The following HPSE2 variants were observed in gnomAD, a reference collection of about 807,000 sequenced individuals.
The protein encoded by HPSE2 is inactive heparanase-2.
HPSE2 carries 38 observed loss-of-function variants against 60.5 expected under a neutral mutation model. That is an observed-to-expected ratio of 0.63 (90% CI 0.48 to 0.82). HPSE2 has a LOEUF of 0.82. HPSE2 is among the 40% of genes least tolerant of loss of function. HPSE2 has a pLI of 0.00. For missense variants in HPSE2, 713 were observed against 740.4 expected, an observed-to-expected ratio of 0.96 and a Z score of 0.43; for synonymous variants, 295 against 293.2, an observed-to-expected ratio of 1.01 and a Z score of -0.06.
chr10:99,280,524 T>C, the HPSE2 span, among the ~76,000 whole-genome samples: 1 of 152,182 alleles, frequency 6.6e-6, no homozygotes, highest in African/African-American at 2.4e-5. Context: ...ACACCTTTCA[T>C]TAGAGAAGCT....
chr10:99,276,545 G>A, the HPSE2 span, among the ~76,000 whole-genome samples: 130,234 of 152,134 alleles, frequency 0.86, 56,099 homozygotes, highest in African/African-American at 0.92. Flanking sequence ...AACCTCATAC[G>A]AATTATATTT....
intron 10 of HPSE2, among the ~76,000 whole-genome samples, chr10:98,485,702 C>T (rs1483457508): frequency 6.6e-6 from 1 of 152,232 alleles, no homozygotes; most frequent in East Asian, 1.9e-4. Context: ...GATCTCTAGG[C>T]TTCAGAGTGG....
intron 11 of HPSE2, among the ~76,000 whole-genome samples, chr10:98,465,507 T>G (rs1230954553): frequency 1.3e-5 from 2 of 152,200 alleles, no homozygotes; most frequent in African/African-American, 4.8e-5. Flanking sequence ...CATAGGCCAG[T>G]ATTACTATTA....
At chr10:99,234,650 T>C (rs1196381845) in intron 1 of HPSE2, among the ~76,000 whole-genome samples, 1 of 152,090 alleles carries the variant, frequency 6.6e-6, no homozygotes, top group Non-Finnish European at 1.5e-5. Flanking sequence ...CCAATTAGAT[T>C]ACAAGCCCTA....
chr10:98,696,394 C>T (rs1356753599), intron 5 of HPSE2, among the ~76,000 whole-genome samples: 1 of 151,106 alleles, frequency 6.6e-6, no homozygotes, highest in African/African-American at 2.4e-5. Context: ...AGGCAGCTGG[C>T]GTGACCCACA....
the HPSE2 span, among the ~76,000 whole-genome samples, chr10:99,268,079 A>C: frequency 6.6e-6 from 1 of 152,184 alleles, no homozygotes; most frequent in Non-Finnish European, 1.5e-5. Flanking sequence ...ATAAAGGAAA[A>C]TCTATCAGAG....
chr10:99,048,228 T>C (rs566132835), intron 3 of HPSE2: 110 of 583,472 alleles, frequency 1.9e-4, no homozygotes, highest in African/African-American at 1.4e-3. Context: ...ATCTATACTA[T>C]TGGAAAATGC....
At chr10:98,739,032 T>C (rs564131265) in intron 4 of HPSE2, among the ~76,000 whole-genome samples, 5 of 152,308 alleles carry the variant, frequency 3.3e-5, no homozygotes, top group East Asian at 1.9e-4. Flanking sequence ...CGTATGTTTA[T>C]TGCAGCACTA....
At chr10:98,673,309 A>T (rs912053563) in intron 6 of HPSE2, among the ~76,000 whole-genome samples, 1 of 152,168 alleles carries the variant, frequency 6.6e-6, no homozygotes, top group East Asian at 1.9e-4. Flanking sequence ...AGCTGTTACC[A>T]GTCTGTTTTC....
At chr10:98,971,442 C>T (rs1176994134) in intron 3 of HPSE2, among the ~76,000 whole-genome samples, 9 of 152,234 alleles carry the variant, frequency 5.9e-5, no homozygotes, top group South Asian at 2.1e-4. Context: ...ACATTCATAT[C>T]CCCATTCATA....
At chr10:98,669,975 C>G (rs1947464589) in intron 6 of HPSE2, among the ~76,000 whole-genome samples, 1 of 152,166 alleles carries the variant, frequency 6.6e-6, no homozygotes, top group African/African-American at 2.4e-5. Flanking sequence ...GGAAAGGCCA[C>G]TTTGACATTG....
At chr10:98,837,649 C>T (rs370015087) in intron 3 of HPSE2, among the ~76,000 whole-genome samples, 65 of 151,032 alleles carry the variant, frequency 4.3e-4, no homozygotes, top group African/African-American at 1.5e-3. Flanking sequence ...CCGAGGCGGG[C>T]GGATCACGAG....
At chr10:99,152,004 G>T (rs1846286172) in intron 2 of HPSE2, among the ~76,000 whole-genome samples, 3 of 151,764 alleles carry the variant, frequency 2.0e-5, no homozygotes, top group Non-Finnish European at 4.4e-5. Flanking sequence ...GCAAAATAAA[G>T]TCATTTCCAT....
At chr10:98,524,750 CAT>C (rs1454717816) in intron 9 of HPSE2, among the ~76,000 whole-genome samples, 2 of 152,140 alleles carry the variant, frequency 1.3e-5, no homozygotes, top group African/African-American at 4.8e-5. Flanking sequence ...GAACAAAATA[CAT>C]ATGTGTGTAT....
At chr10:99,157,590 C>G (rs1230757825) in intron 2 of HPSE2, among the ~76,000 whole-genome samples, 3 of 140,376 alleles carry the variant, frequency 2.1e-5, no homozygotes, top group South Asian at 2.3e-4. Flanking sequence ...ATACCTTATA[C>G]AAAAATCAAT....
At chr10:99,088,015 T>A (rs917724317) in intron 3 of HPSE2, among the ~76,000 whole-genome samples, 102 of 151,512 alleles carry the variant, frequency 6.7e-4, no homozygotes, top group African/African-American at 2.3e-3. Context: ...CCCTTGTTCA[T>A]CCCTCTCCAG....
chr10:98,572,539 C>T (rs551674), intron 9 of HPSE2, among the ~76,000 whole-genome samples: 130,377 of 152,126 alleles, frequency 0.86, 56,911 homozygotes, highest in East Asian at 1. Context: ...CAAGGTATTT[C>T]GTGAACTCTT....
chr10:99,166,471 T>C (rs1847085759), intron 2 of HPSE2, among the ~76,000 whole-genome samples: 1 of 152,230 alleles, frequency 6.6e-6, no homozygotes, highest in South Asian at 2.1e-4. Context: ...CAATAATTGG[T>C]ATTTTCAGTT....
intron 3 of HPSE2, among the ~76,000 whole-genome samples, chr10:99,026,971 G>A (rs538907758): frequency 6.6e-6 from 1 of 150,884 alleles, no homozygotes; most frequent in East Asian, 1.9e-4. Flanking sequence ...TACAGCAAAG[G>A]AAGTACTATG....
Sources: allele counts gnomAD v4.1 joint callset (sites outside exome capture counted in the v4.1 genomes callset), GRCh38; gene constraint gnomAD v4.1.1; transcripts MANE v1.5; gene names NCBI Gene and HGNC (gene_info 2026-07-23, HGNC 2026-07-21).